VPS41: variants seen among roughly 807,000 people sequenced by gnomAD.
VPS41 encodes the protein vacuolar protein sorting-associated protein 41 homolog.
Under a neutral mutation model 130.9 loss-of-function variants are expected in VPS41, and 85 were observed. The observed-to-expected ratio is 0.65, with a 90% CI of 0.55 to 0.78. VPS41 has a LOEUF of 0.78. Among genes scored for constraint, VPS41 ranks in the 30% least tolerant of loss-of-function variants. The pLI is 0.00. For synonymous variants in VPS41, 335 were observed against 332.9 expected (o/e 1.01, Z -0.07); for missense variants, 874 against 1,018.7 (o/e 0.86, Z 1.93).
chr7:38,789,961 T>C, intron 9 of VPS41, 94 bp from the exon 10 acceptor site: 1 of 1,266,748 alleles, frequency 7.9e-7, no homozygotes, highest in Non-Finnish European at 1.1e-6. Context: ...AAATTAACCT[T>C]GTAGCACTGC....
At chr7:38,795,383 C>T (rs1784599436) in intron 9 of VPS41, 82 bp downstream of exon 9, 2 of 1,258,480 alleles carry the variant, frequency 1.6e-6, no homozygotes, top group South Asian at 3.8e-5. Flanking sequence ...GTCCTAGAAG[C>T]CAATCAAGAC....
chr7:38,803,010 T>C (rs191971765), intron 7 of VPS41, among the ~76,000 whole-genome samples: 1 of 152,240 alleles, frequency 6.6e-6, no homozygotes, highest in African/African-American at 2.4e-5. Flanking sequence ...TTATTTCCCA[T>C]AAATCCACAT....
intron 2 of VPS41, among the ~76,000 whole-genome samples, chr7:38,890,593 CA>C (rs1174507909): frequency 6.6e-6 from 1 of 152,162 alleles, no homozygotes; most frequent in African/African-American, 2.4e-5. Context: ...GTATCAATAT[CA>C]ATTTCCTGGC....
chr7:38,730,235 G>T (rs919126039), intron 25 of VPS41, among the ~76,000 whole-genome samples: 1 of 152,148 alleles, frequency 6.6e-6, no homozygotes, highest in African/African-American at 2.4e-5. Flanking sequence ...AGCTAGATGG[G>T]CATTTTGCTT....
chr7:38,762,969 A>G (rs1159546922), intron 17 of VPS41, among the ~76,000 whole-genome samples: 4 of 152,216 alleles, frequency 2.6e-5, no homozygotes, highest in Non-Finnish European at 5.9e-5. Flanking sequence ...TGAAAAAATA[A>G]GAGTTCAATC....
rs547871624 is a variant in VPS41, at chr7:38,849,711, G to A, written c.246+12834C>T. On this transcript the variant is annotated intron_variant, in intron 4 of 28. Coordinates refer to ENST00000310301, the MANE Select transcript of VPS41 (RefSeq NM_014396.4). Reference sequence around the variant, plus strand: ...CTTCTGCTGATGTGCTCCTCTGGACGTCCAGCTGCTTGTGTCTCTGCCCAC... The same window carrying A: ...CTTCTGCTGATGTGCTCCTCTGGACATCCAGCTGCTTGTGTCTCTGCCCAC... Among the ~76,000 whole-genome samples the A allele has an allele frequency of 1.2e-4, 18 of 152,228 alleles. No homozygotes were observed. In the East Asian group the frequency reaches 1.9e-3, roughly 16 times the overall value.
At chr7:38,817,000 C>G (rs1169625465) in intron 7 of VPS41, among the ~76,000 whole-genome samples, 4 of 152,172 alleles carry the variant, frequency 2.6e-5, no homozygotes, top group African/African-American at 9.7e-5. Flanking sequence ...CCTTGGCCTC[C>G]CAAAATGTTG....
chr7:38,784,550 G>A (rs969155665), intron 10 of VPS41, among the ~76,000 whole-genome samples: 3 of 151,876 alleles, frequency 2.0e-5, no homozygotes, highest in Non-Finnish European at 2.9e-5. Flanking sequence ...TGGGAGGATC[G>A]CTTTGGCCCA....
chr7:38,872,508 T>C (rs778472693), intron 2 of VPS41, among the ~76,000 whole-genome samples: 11 of 152,208 alleles, frequency 7.2e-5, no homozygotes, highest in Non-Finnish European at 1.6e-4. Flanking sequence ...TCCCTTGTTA[T>C]ACATAAGCTA....
intron 10 of VPS41, among the ~76,000 whole-genome samples, chr7:38,779,816 T>C (rs1262009728): frequency 6.6e-6 from 1 of 152,224 alleles, no homozygotes; most frequent in Non-Finnish European, 1.5e-5. Context: ...TATATATTCT[T>C]GTAAAAAATG....
intron 25 of VPS41, chr7:38,741,331 C>A: frequency 2.9e-6 from 1 of 350,410 alleles, no homozygotes; most frequent in South Asian, 2.4e-5. Flanking sequence ...AAGTTACCAG[C>A]ATCCTGAAAA....
intron 7 of VPS41, among the ~76,000 whole-genome samples, chr7:38,808,025 G>A (rs1032263016): frequency 1.3e-5 from 2 of 152,084 alleles, no homozygotes; most frequent in Admixed American, 6.6e-5. Context: ...GGAAATATAT[G>A]AAAAAGTTAG....
chr7:38,774,416 TG>T (rs1309204632), intron 11 of VPS41, among the ~76,000 whole-genome samples, 172 bp from the exon 12 acceptor site: 1 of 152,066 alleles, frequency 6.6e-6, no homozygotes, highest in African/African-American at 2.4e-5. Flanking sequence ...TTCTGCATGG[TG>T]GGAAAGGCCT....
At chr7:38,821,304 C>T (rs1459177560) in intron 5 of VPS41, 39 bp from the exon 6 acceptor site, 2 of 1,466,332 alleles carry the variant, frequency 1.4e-6, no homozygotes, top group African/African-American at 2.8e-5. Flanking sequence ...ACCATGACAG[C>T]AATAGAGAAG....
At chr7:38,788,280 G>A (rs1394239736) in intron 10 of VPS41, among the ~76,000 whole-genome samples, 1 of 152,180 alleles carries the variant, frequency 6.6e-6, no homozygotes, top group South Asian at 2.1e-4. Flanking sequence ...GCTTTCTGGT[G>A]GTTCTGTAGA....
chr7:38,823,265 A>C (rs1365037980), intron 5 of VPS41, among the ~76,000 whole-genome samples: 1 of 152,196 alleles, frequency 6.6e-6, no homozygotes, highest in Non-Finnish European at 1.5e-5. Context: ...CTTCTGCCAC[A>C]CAGGGACACA....
chr7:38,900,313 GTCA>G (rs1290672270), intron 1 of VPS41, among the ~76,000 whole-genome samples: 1 of 151,956 alleles, frequency 6.6e-6, no homozygotes, highest in Non-Finnish European at 1.5e-5. Context: ...CTCAGAAACA[GTCA>G]AATATGCATG....
At chr7:38,792,109 A>G (rs1324621981) in intron 9 of VPS41, among the ~76,000 whole-genome samples, 3 of 152,172 alleles carry the variant, frequency 2.0e-5, no homozygotes, top group Non-Finnish European at 4.4e-5. Context: ...GATGCATTGC[A>G]CTACTGGTAG....
At chr7:38,868,156 G>T (rs1183936988) in intron 3 of VPS41, among the ~76,000 whole-genome samples, 1 of 152,184 alleles carries the variant, frequency 6.6e-6, no homozygotes, top group Non-Finnish European at 1.5e-5. Flanking sequence ...TCACTGGAAT[G>T]AAATTTGGTT....
Sources: gnomAD v4.1 joint callset for allele counts (sites outside exome capture counted in the v4.1 genomes callset) on GRCh38, gnomAD v4.1.1 for gene constraint, MANE v1.5 for transcripts, NCBI Gene and HGNC (gene_info 2026-07-23, HGNC 2026-07-21) for gene names.